MAGI2: variants seen among roughly 807,000 people sequenced by gnomAD.
MAGI2 encodes membrane associated guanylate kinase, WW and PDZ domain containing 2.
Under a neutral mutation model 133.3 loss-of-function variants are expected in MAGI2, and 35 were observed. That is an observed-to-expected ratio of 0.26 (90% CI 0.20 to 0.35). MAGI2 has a LOEUF of 0.35. MAGI2 is among the 10% of genes least tolerant of loss of function. The pLI is 1.00. For synonymous variants in MAGI2, 729 were observed against 710.6 expected (o/e 1.03, Z -0.41); for missense variants, 1,636 against 1,863.4 (o/e 0.88, Z 2.25).
At chr7:78,045,951 G>T (rs1048260077) in intron 21 of MAGI2, among the ~76,000 whole-genome samples, 1 of 152,060 alleles carries the variant, frequency 6.6e-6, no homozygotes, top group Non-Finnish European at 1.5e-5. Context: ...CATCCTTCCC[G>T]TCAATGCCAA....
chr7:78,564,487 G>A (rs953141401), intron 3 of MAGI2, among the ~76,000 whole-genome samples: 13 of 152,142 alleles, frequency 8.5e-5, no homozygotes, highest in Admixed American at 7.9e-4. Flanking sequence ...GGTTAGCAAA[G>A]AAAGTTAGAT....
At chr7:78,534,522 A>C (rs1797723268) in intron 3 of MAGI2, among the ~76,000 whole-genome samples, 1 of 152,220 alleles carries the variant, frequency 6.6e-6, no homozygotes, top group Non-Finnish European at 1.5e-5. Flanking sequence ...TGCCAAATCT[A>C]AAATTAGCAA....
intron 2 of MAGI2, among the ~76,000 whole-genome samples, chr7:78,819,145 A>C (rs1388070099): frequency 6.6e-6 from 1 of 152,144 alleles, no homozygotes; most frequent in Non-Finnish European, 1.5e-5. Flanking sequence ...GAACTTTTTC[A>C]AAATTGATTT....
At chr7:78,070,648 T>A (rs112945651) in intron 21 of MAGI2, among the ~76,000 whole-genome samples, 8,776 of 47,930 alleles carry the variant, frequency 0.18, 359 homozygotes, top group East Asian at 0.37. Context: ...ATATATATTT[T>A]TTTTTTTTTT....
At chr7:78,937,452 T>A (rs908060623) in intron 2 of MAGI2, among the ~76,000 whole-genome samples, 3 of 152,122 alleles carry the variant, frequency 2.0e-5, no homozygotes, top group Non-Finnish European at 2.9e-5. Flanking sequence ...TATTTATAGA[T>A]GCTAAAATTA....
At chr7:79,352,830 T>C (rs547463665) in intron 1 of MAGI2, among the ~76,000 whole-genome samples, 39 of 152,286 alleles carry the variant, frequency 2.6e-4, no homozygotes, top group African/African-American at 8.9e-4. Context: ...TGCCTCATGC[T>C]AGCTGAGTTT....
At chr7:79,238,796 A>G (rs1458036811) in intron 1 of MAGI2, among the ~76,000 whole-genome samples, 1 of 152,164 alleles carries the variant, frequency 6.6e-6, no homozygotes, top group Non-Finnish European at 1.5e-5. Flanking sequence ...AGAACTCATA[A>G]TAGTAACTTC....
intron 1 of MAGI2, among the ~76,000 whole-genome samples, chr7:79,428,746 C>G (rs1447300482): frequency 6.6e-6 from 1 of 152,038 alleles, no homozygotes; most frequent in Non-Finnish European, 1.5e-5. Context: ...ATCTATATTG[C>G]CTTTCCTTAT....
At chr7:78,731,682 A>G (rs1821377426) in intron 2 of MAGI2, among the ~76,000 whole-genome samples, 1 of 152,200 alleles carries the variant, frequency 6.6e-6, no homozygotes, top group Non-Finnish European at 1.5e-5. Context: ...ATGAAATACA[A>G]AAATCTTCCA....
At chr7:79,428,362 A>G (rs1228506807) in intron 1 of MAGI2, among the ~76,000 whole-genome samples, 4 of 152,202 alleles carry the variant, frequency 2.6e-5, no homozygotes, top group Non-Finnish European at 4.4e-5. Flanking sequence ...AGCTGAGGTT[A>G]AAATGAAGCA....
At chr7:79,297,076 C>T (rs1836990649) in intron 1 of MAGI2, among the ~76,000 whole-genome samples, 1 of 152,100 alleles carries the variant, frequency 6.6e-6, no homozygotes, top group African/African-American at 2.4e-5. Flanking sequence ...GTTGAAACCT[C>T]AAGAGAACGG....
chr7:79,383,210 G>A (rs1333418773), intron 1 of MAGI2, among the ~76,000 whole-genome samples: 1 of 151,560 alleles, frequency 6.6e-6, no homozygotes, highest in Non-Finnish European at 1.5e-5. Context: ...CCTATAATGG[G>A]ATTGGGAAGT....
In MAGI2 at chr7:78,966,835, C is replaced by CTT. The variant is rs34597215; in HGVS notation, c.418+40253_418+40254dup. ...TTTCTCCAGATCTTTGCCTACACGT[C>CTT]TTTTTTTTTTTTTTTTTTTAGATAA... On this transcript the variant is annotated intron_variant, in intron 2 of 21. Transcript: ENST00000354212. Among the ~76,000 whole-genome samples, 10 of 129,056 alleles carry CTT rather than the reference C, an allele frequency of 7.7e-5. No individual in the cohort carries two copies. In the South Asian group the frequency reaches 1.3e-3, roughly 16 times the overall value. The allele number at this position is 129,056 out of a possible 152,430, so 84.7% of individuals were successfully genotyped here.
At chr7:78,725,515 T>C (rs1186174351) in intron 2 of MAGI2, among the ~76,000 whole-genome samples, 1 of 152,174 alleles carries the variant, frequency 6.6e-6, no homozygotes, top group East Asian at 1.9e-4. Flanking sequence ...AAAGTTAAAC[T>C]AGGCCAGGCA....
At chr7:78,884,102 T>C (rs1299823008) in intron 2 of MAGI2, among the ~76,000 whole-genome samples, 1 of 152,148 alleles carries the variant, frequency 6.6e-6, no homozygotes, top group African/African-American at 2.4e-5. Flanking sequence ...TTGCAAACTA[T>C]GCATCCAACA....
chr7:78,868,219 A>G (rs542823530), intron 2 of MAGI2, among the ~76,000 whole-genome samples: 1 of 152,362 alleles, frequency 6.6e-6, no homozygotes, highest in Non-Finnish European at 1.5e-5. Context: ...GTAAACCTTA[A>G]CAATAGTCAA....
intron 6 of MAGI2, among the ~76,000 whole-genome samples, chr7:78,446,207 T>C (rs1788124457): frequency 6.6e-6 from 1 of 152,174 alleles, no homozygotes; most frequent in Non-Finnish European, 1.5e-5. Context: ...TTTATGGCAA[T>C]TTTTAATGAG....
intron 9 of MAGI2, among the ~76,000 whole-genome samples, chr7:78,317,342 T>C (rs917237205): frequency 2.6e-5 from 4 of 152,214 alleles, no homozygotes; most frequent in African/African-American, 7.2e-5. Flanking sequence ...ATATGGATGA[T>C]TAAATACCAA....
chr7:78,771,125 T>C (rs1825546871), intron 2 of MAGI2: 1 of 152,206 alleles, frequency 6.6e-6, no homozygotes, highest in Non-Finnish European at 1.5e-5. Context: ...CTTCTCTCTC[T>C]CTCTCTCTGT....
Sources: gnomAD v4.1 joint callset for allele counts (sites outside exome capture counted in the v4.1 genomes callset) on GRCh38, gnomAD v4.1.1 for gene constraint, MANE v1.5 for transcripts, NCBI Gene and HGNC (gene_info 2026-07-23, HGNC 2026-07-21) for gene names.